The following TRPM3 variants were observed in gnomAD, a reference collection of about 807,000 sequenced individuals.
The protein encoded by TRPM3 is long transient receptor potential channel 3.
Under a neutral mutation model 181.2 loss-of-function variants are expected in TRPM3, and 77 were observed. The observed-to-expected ratio is 0.42, with a 90% CI of 0.35 to 0.51. The LOEUF (loss-of-function observed/expected upper bound fraction) is 0.51, where lower values mean the gene tolerates loss of function less well. Among genes scored for constraint, TRPM3 ranks in the 20% least tolerant of loss-of-function variants. The pLI, the probability that TRPM3 is intolerant of heterozygous loss-of-function variation, is 0.01. For missense variants in TRPM3, 1,759 were observed against 2,196.7 expected (o/e 0.80, Z 3.98); for synonymous variants, 745 against 796.4 (o/e 0.94, Z 1.09).
chr9:70,635,319 G>T, intron 11 of TRPM3, 58 bp from the exon 12 acceptor site: 1 of 1,499,776 alleles, frequency 6.7e-7, no homozygotes. Context: ...TGGTTGGCAA[G>T]ACAAGAAGGA....
intron 1 of TRPM3, among the ~76,000 whole-genome samples, chr9:71,207,326 A>G (rs1250866803): frequency 6.6e-6 from 1 of 152,098 alleles, no homozygotes; most frequent in Admixed American, 6.6e-5. Flanking sequence ...ATTATGTTCA[A>G]TTTTTTCATA....
At chr9:71,238,453 A>G (rs1410639462) in intron 1 of TRPM3, among the ~76,000 whole-genome samples, 1 of 152,194 alleles carries the variant, frequency 6.6e-6, no homozygotes, top group Non-Finnish European at 1.5e-5. Context: ...GGGAGCCCTC[A>G]GTTAATTTTG....
chr9:71,052,229 T>C (rs948383087), intron 1 of TRPM3, among the ~76,000 whole-genome samples: 2 of 152,252 alleles, frequency 1.3e-5, no homozygotes, highest in Admixed American at 6.5e-5. Context: ...TTAGACACCA[T>C]ATATTTTCCA....
chr9:70,914,481 G>A (rs1422650843), intron 1 of TRPM3, among the ~76,000 whole-genome samples: 1 of 152,236 alleles, frequency 6.6e-6, no homozygotes, highest in Non-Finnish European at 1.5e-5. Flanking sequence ...CATATGATGT[G>A]CCAAAAGAAA....
At chr9:71,151,953 G>A (rs2075758996) in intron 1 of TRPM3, among the ~76,000 whole-genome samples, 1 of 152,102 alleles carries the variant, frequency 6.6e-6, no homozygotes, top group Non-Finnish European at 1.5e-5. Flanking sequence ...AAAAATGTAT[G>A]TTATAAAAAC....
chr9:71,138,272 C>G (rs1380369002), intron 1 of TRPM3, among the ~76,000 whole-genome samples: 1 of 152,172 alleles, frequency 6.6e-6, no homozygotes, highest in Non-Finnish European at 1.5e-5. Context: ...ACTTTCTACA[C>G]TCAACTTTCC....
chr9:71,245,876 A>G (rs2082007754), intron 1 of TRPM3, among the ~76,000 whole-genome samples: 1 of 152,212 alleles, frequency 6.6e-6, no homozygotes, highest in Non-Finnish European at 1.5e-5. Context: ...GGAGGACTCA[A>G]GTGCCCCAAA....
chr9:71,312,047 T>C (rs1793539629), intron 1 of TRPM3, among the ~76,000 whole-genome samples: 1 of 152,128 alleles, frequency 6.6e-6, no homozygotes, highest in South Asian at 2.1e-4. Flanking sequence ...GCACTATCCA[T>C]GACAGAAGTA....
At chr9:70,624,581 A>G (rs549278303) in intron 14 of TRPM3, among the ~76,000 whole-genome samples, 8 of 152,362 alleles carry the variant, frequency 5.3e-5, no homozygotes, top group African/African-American at 1.9e-4. Flanking sequence ...TTACAATTAT[A>G]TGTAAAGAGG....
At chr9:70,570,725 C>G (rs922779898) in intron 22 of TRPM3, among the ~76,000 whole-genome samples, 1 of 152,124 alleles carries the variant, frequency 6.6e-6, no homozygotes, top group East Asian at 1.9e-4. Context: ...TATTATGACA[C>G]GACCTGTCAA....
At position 70,536,699 on chromosome 9, in the gene TRPM3, C is replaced by T. The variant is rs768638022; in HGVS notation, c.4414G>A (p.Asp1472Asn). ...TCCATGGAGGTGATGTCCTCAAAAT[C>T]AATGCTCCGGCTTGGAGGTCTGTCT... Reference protein sequence around the residue: ...PTDRPPSRSIDFEDITSMDTR... With the variant: ...PTDRPPSRSINFEDITSMDTR... Residue 1472 changes from aspartate (D) to asparagine (N), a missense_variant, in exon 26 of 26, where the codon GAT becomes AAT. Physicochemically the swap from Asp to Asn is conservative, Grantham distance 23. Transcript: ENST00000677713. 6 of 1,614,134 alleles carry T rather than the reference C, an allele frequency of 3.7e-6. No homozygotes were observed. Among genetic ancestry groups the T allele is most frequent in the Non-Finnish European group, 5.1e-6 (6 of 1,180,026 alleles).
intron 1 of TRPM3, among the ~76,000 whole-genome samples, chr9:71,185,565 G>A (rs949740642): frequency 2.0e-5 from 3 of 152,068 alleles, no homozygotes; most frequent in African/African-American, 4.8e-5. Flanking sequence ...AATTAGGACA[G>A]CCTTTGAACA....
chr9:70,541,427 A>G (rs1037707821), intron 25 of TRPM3, among the ~76,000 whole-genome samples: 26 of 152,226 alleles, frequency 1.7e-4, no homozygotes, highest in African/African-American at 5.5e-4. Flanking sequence ...TAGGGGTTTA[A>G]TATAGGGGCT....
chr9:70,854,946 T>A (rs1393234025), intron 3 of TRPM3, among the ~76,000 whole-genome samples: 1 of 152,198 alleles, frequency 6.6e-6, no homozygotes, highest in Non-Finnish European at 1.5e-5. Context: ...AACAACAAAT[T>A]TAGACATGAC....
At chr9:71,394,547 G>A (rs1565529461) in intron 1 of TRPM3, among the ~76,000 whole-genome samples, 3 of 152,136 alleles carry the variant, frequency 2.0e-5, no homozygotes, top group Non-Finnish European at 4.4e-5. Flanking sequence ...CCCTGCACAG[G>A]CATATAAGTC....
rs752705924 is a variant in TRPM3 at position 70,618,845 on chromosome 9, G to C, written c.2358+22C>G. The C allele has an allele frequency of 1.2e-5, 19 of 1,596,662 alleles. No homozygotes were observed. In the East Asian group the frequency reaches 4.2e-4, roughly 36 times the overall value. The stretch of plus-strand genomic sequence containing the variant: ...CACCCGCCGGTCCTCATAGCCAGGA[G>C]GGCCTTATTGGGCGCCCTGACCTTG... On this transcript the variant is annotated intron_variant, in intron 17 of 25. Transcript: ENST00000677713.
chr9:70,692,108 A>T lies in TRPM3; in HGVS notation c.1273-10530T>A, dbSNP rs570788993. 2.6e-5 allele frequency among the ~76,000 whole-genome samples: 4 copies of T among 152,350 alleles called. No individual in the cohort carries two copies. The South Asian group carries it at 8.3e-4, about 32-fold the overall frequency. On this transcript the variant is annotated intron_variant, in intron 8 of 25. Transcript: ENST00000677713. Reference sequence around the variant, plus strand: ...GCCATAGGCAGAGTTTGTGGGGGGAAGGGGAGAGCATATTTGTGAAATACT... The same window carrying T: ...GCCATAGGCAGAGTTTGTGGGGGGATGGGGAGAGCATATTTGTGAAATACT...
At chr9:71,159,920 C>T (rs2076195718) in intron 1 of TRPM3, among the ~76,000 whole-genome samples, 1 of 152,074 alleles carries the variant, frequency 6.6e-6, no homozygotes, top group Non-Finnish European at 1.5e-5. Flanking sequence ...AACTAGGGAA[C>T]TATTGAGTGT....
Position 70,866,937 on chromosome 9 carries a change from T to C in TRPM3, c.178-2426A>G, listed in dbSNP as rs138647215. On this transcript the variant is annotated intron_variant, in intron 1 of 25. Coordinates refer to ENST00000677713, the MANE Select transcript of TRPM3 (RefSeq NM_001366145.2). ...AACTTGAACAGTCTGGCTTCAGAGT[T>C]CACACTCTTACCCACTCTGCTAAAT... Among the ~76,000 whole-genome samples the C allele has an allele frequency of 3.9e-5, 6 of 152,122 alleles. No homozygotes were observed. The East Asian group carries it at 1.2e-3, about 30-fold the overall frequency.
Sources: allele counts gnomAD v4.1 joint callset (sites outside exome capture counted in the v4.1 genomes callset), GRCh38; gene constraint gnomAD v4.1.1; transcripts MANE v1.5; gene names NCBI Gene and HGNC (gene_info 2026-07-23, HGNC 2026-07-21).